The following EXOC6 variants were observed in gnomAD, a reference collection of about 807,000 sequenced individuals.
EXOC6 encodes exocyst complex component 6.
In EXOC6, 60 loss-of-function variants were observed where a neutral mutation model predicts 112.5. That is an observed-to-expected ratio of 0.53 (90% CI 0.43 to 0.66). The LOEUF (loss-of-function observed/expected upper bound fraction) is 0.66. Ranked by LOEUF, EXOC6 falls within the 30% of genes least tolerant of loss-of-function variation. The pLI, the probability that EXOC6 is intolerant of heterozygous loss-of-function variation, is 0.00. For synonymous variants in EXOC6, 295 were observed against 308.0 expected, an observed-to-expected ratio of 0.96 and a Z score of 0.44; for missense variants, 855 against 957.1, an observed-to-expected ratio of 0.89 and a Z score of 1.41.
intron 17 of EXOC6, among the ~76,000 whole-genome samples, chr10:92,966,751 G>A (rs541538488): frequency 1.4e-5 from 2 of 147,878 alleles, no homozygotes; most frequent in Non-Finnish European, 3.0e-5. Context: ...GTAAACATAC[G>A]TGTGCATGTG....
Position 93,014,233 on chromosome 10 carries a change from A to T in EXOC6, c.2135A>T (p.Asp712Val). The T allele has an allele frequency of 6.2e-7, 1 of 1,612,804 alleles. No individual in the cohort carries two copies. The highest frequency in any genetic ancestry group is 8.5e-7 in the Non-Finnish European group (1 of 1,179,522). ...SSEPVPGFQG[D>V]TLQLAFIDLR... ...GAGCCTGTGCCAGGATTCCAGGGGGATACCCTGCAGCTAGCATTCATTGAC... is the reference window on the plus strand; with the variant it reads ...GAGCCTGTGCCAGGATTCCAGGGGGTTACCCTGCAGCTAGCATTCATTGAC... The change falls in exon 20 of 22, where the codon GAT becomes GTT. Residue 712 changes from aspartate (D) to valine (V), a missense_variant. Transcript: ENST00000260762.
At chr10:92,917,426 G>GA (rs11393322) in intron 7 of EXOC6, among the ~76,000 whole-genome samples, 69,807 of 146,938 alleles carry the variant, frequency 0.48, 17,254 homozygotes, top group African/African-American at 0.64. Flanking sequence ...TCTTTTAATG[G>GA]AAAAAAAAAA....
In EXOC6 at chr10:92,896,139, A is replaced by ATG. The variant is rs1383295056; in HGVS notation, c.412+1121_412+1122dup. The stretch of plus-strand genomic sequence containing the variant: ...TATATATGTGTGTGTGTGTGTGTGT[A>ATG]TGTATGTGTATATATATATATATAT... On this transcript the variant is annotated intron_variant, in intron 4 of 21. Coordinates refer to ENST00000260762, the MANE Select transcript of EXOC6 (RefSeq NM_019053.6). Among the ~76,000 whole-genome samples, 187 of 28,910 alleles carry ATG rather than the reference A, an allele frequency of 6.5e-3. 11 individuals carry two copies. Among genetic ancestry groups the ATG allele is most frequent in the Admixed American group, 9.1e-3 (16 of 1,764 alleles). The allele number at this position is 28,910 out of a possible 152,430, so 19.0% of individuals were successfully genotyped here.
intron 18 of EXOC6, among the ~76,000 whole-genome samples, chr10:92,978,745 A>G (rs536794821): frequency 1.3e-5 from 2 of 152,322 alleles, no homozygotes; most frequent in Non-Finnish European, 2.9e-5. Context: ...TTGGACCCAA[A>G]TAGAGTAAAG....
At chr10:92,895,584 A>C (rs1180329158) in intron 4 of EXOC6, among the ~76,000 whole-genome samples, 1 of 152,284 alleles carries the variant, frequency 6.6e-6, no homozygotes, top group East Asian at 1.9e-4. Context: ...CATCAGATAA[A>C]TTCCGAGGAA....
rs188840179 is a variant in EXOC6 at position 93,048,600 on chromosome 10, A to T, written c.2170-8324A>T. Reference sequence around the variant, plus strand: ...CTTAAAGTATAATAATAATAAAATTAAAAAAAATTAGCTGGGGTGGTGGCA... The same window carrying T: ...CTTAAAGTATAATAATAATAAAATTTAAAAAAATTAGCTGGGGTGGTGGCA... On this transcript the variant is annotated intron_variant, in intron 20 of 21. Coordinates refer to ENST00000260762, the MANE Select transcript of EXOC6 (RefSeq NM_019053.6). Among the ~76,000 whole-genome samples, 782 of 151,720 alleles carry T rather than the reference A, an allele frequency of 5.2e-3. 4 individuals carry two copies. The highest frequency in any genetic ancestry group is 0.013 in the African/African-American group (544 of 41,342).
chr10:93,027,363 C>G (rs767601693), intron 20 of EXOC6, among the ~76,000 whole-genome samples: 7 of 152,184 alleles, frequency 4.6e-5, no homozygotes, highest in Non-Finnish European at 7.3e-5. Flanking sequence ...AGTAATTTAT[C>G]CAGAAGATCT....
At chr10:92,946,249 T>C (rs1417126783) in intron 13 of EXOC6, among the ~76,000 whole-genome samples, 1 of 152,046 alleles carries the variant, frequency 6.6e-6, no homozygotes, top group Non-Finnish European at 1.5e-5. Context: ...TGAGCCAAGA[T>C]TGCGCCACTG....
intron 19 of EXOC6, among the ~76,000 whole-genome samples, chr10:93,000,982 A>G (rs1165035950): frequency 1.3e-5 from 2 of 152,224 alleles, no homozygotes; most frequent in East Asian, 3.8e-4. Flanking sequence ...CATGTTAAGT[A>G]TTTCTGTTTA....
chr10:93,001,706 T>C (rs541569236), intron 19 of EXOC6, among the ~76,000 whole-genome samples: 2 of 152,284 alleles, frequency 1.3e-5, no homozygotes, highest in African/African-American at 4.8e-5. Context: ...TCTCCTCAGT[T>C]GGGCACCTGT....
chr10:92,909,420 C>T lies in EXOC6; in HGVS notation c.459-7C>T. ...TTTATAGAGTTTTCTTTTTTAACTT[C>T]TCACAGGTACTATTCTGCCCTAAAA... On this transcript the variant is annotated splice_region_variant and splice_polypyrimidine_tract_variant and intron_variant, in intron 5 of 21. Transcript: ENST00000260762. 6.3e-7 allele frequency: 1 copy of T among 1,574,830 alleles called. No homozygotes were observed. The highest frequency in any genetic ancestry group is 8.6e-7 in the Non-Finnish European group (1 of 1,164,208).
At chr10:92,871,723 G>C (rs887929275) in intron 1 of EXOC6, among the ~76,000 whole-genome samples, 2 of 151,698 alleles carry the variant, frequency 1.3e-5, no homozygotes, top group African/African-American at 4.8e-5. Flanking sequence ...AGGAGAATCG[G>C]TTTGAACCAG....
chr10:92,930,148 C>T (rs946276003), intron 9 of EXOC6, among the ~76,000 whole-genome samples: 1 of 152,148 alleles, frequency 6.6e-6, no homozygotes, highest in Non-Finnish European at 1.5e-5. Context: ...ACACGCTTTA[C>T]ATGTGCACAT....
intron 6 of EXOC6, among the ~76,000 whole-genome samples, chr10:92,911,934 T>TGTGC (rs1384739288): frequency 2.1e-5 from 1 of 47,862 alleles, no homozygotes; most frequent in Non-Finnish European, 4.1e-5. Flanking sequence ...TCTCTCTCTG[T>TGTGC]GTGCGTGTGT....
chr10:92,905,975 T>C (rs796688536), intron 5 of EXOC6, among the ~76,000 whole-genome samples: 6 of 152,264 alleles, frequency 3.9e-5, no homozygotes, highest in African/African-American at 1.4e-4. Context: ...TTATTTATTT[T>C]CCTTTACAGT....
At chr10:93,049,567 TTTTG>T (rs1295181423) in intron 20 of EXOC6, among the ~76,000 whole-genome samples, 16 of 152,202 alleles carry the variant, frequency 1.1e-4, no homozygotes, top group African/African-American at 3.6e-4. Flanking sequence ...GGTCTTTTTG[TTTTG>T]TTTGTTTTGT....
intron 1 of EXOC6, among the ~76,000 whole-genome samples, chr10:92,857,011 TG>T (rs1847634202): frequency 6.6e-6 from 1 of 152,184 alleles, no homozygotes; most frequent in South Asian, 2.1e-4. Context: ...AAATCTAAAG[TG>T]TATCTCTTGT....
chr10:92,963,848 C>A (rs920454789), intron 17 of EXOC6, among the ~76,000 whole-genome samples: 5 of 151,960 alleles, frequency 3.3e-5, no homozygotes, highest in South Asian at 4.1e-4. Flanking sequence ...TCTTGTAATT[C>A]CTACAAGCTT....
intron 11 of EXOC6, 69 bp downstream of exon 11, chr10:92,934,499 G>A (rs1852239836): frequency 3.0e-6 from 4 of 1,343,640 alleles, no homozygotes; most frequent in Non-Finnish European, 3.0e-6. Context: ...GCTGCATAAT[G>A]TCAGAGGAAA....
Sources: allele counts gnomAD v4.1 joint callset (sites outside exome capture counted in the v4.1 genomes callset), GRCh38; gene constraint gnomAD v4.1.1; transcripts MANE v1.5; gene names NCBI Gene and HGNC (gene_info 2026-07-23, HGNC 2026-07-21).